Variants in BMPR1B observed in about 807,000 individuals in gnomAD.
The protein encoded by BMPR1B is bone morphogenetic protein receptor type-1B.
BMPR1B carries 12 observed loss-of-function variants against 59.1 expected under a neutral mutation model. That is an observed-to-expected ratio of 0.20 (90% CI 0.13 to 0.33). The LOEUF (loss-of-function observed/expected upper bound fraction) is 0.33. Among genes scored for constraint, BMPR1B ranks in the 10% least tolerant of loss-of-function variants. BMPR1B has a pLI of 1.00. For missense variants in BMPR1B, 550 were observed against 610.9 expected (o/e 0.90, Z 1.05); for synonymous variants, 237 against 207.3 (o/e 1.14, Z -1.23).
At chr4:94,947,631 G>A (rs902384687) in intron 2 of BMPR1B, among the ~76,000 whole-genome samples, 6 of 152,200 alleles carry the variant, frequency 3.9e-5, no homozygotes, top group Non-Finnish European at 5.9e-5. Flanking sequence ...GAAGTAAAGC[G>A]TTTGCTAGAC....
intron 1 of BMPR1B, among the ~76,000 whole-genome samples, chr4:94,846,694 T>A (rs1725345288): frequency 6.6e-6 from 1 of 152,086 alleles, no homozygotes; most frequent in African/African-American, 2.4e-5. Context: ...AACTCCCCTT[T>A]ATATGTATAT....
chr4:94,817,714 T>C (rs559256053), intron 1 of BMPR1B, among the ~76,000 whole-genome samples: 24 of 152,254 alleles, frequency 1.6e-4, no homozygotes, highest in African/African-American at 5.8e-4. Flanking sequence ...TGAGAGATAG[T>C]GTCTGCCCTA....
At chr4:94,908,481 T>G (rs1272002916) in intron 2 of BMPR1B, among the ~76,000 whole-genome samples, 2 of 152,002 alleles carry the variant, frequency 1.3e-5, no homozygotes, top group Admixed American at 1.3e-4. Context: ...CTTTTCATCC[T>G]AAACTTCTAA....
At chr4:95,081,497 A>AT (rs1398647869) in intron 3 of BMPR1B, among the ~76,000 whole-genome samples, 1 of 152,142 alleles carries the variant, frequency 6.6e-6, no homozygotes, top group Non-Finnish European at 1.5e-5. Flanking sequence ...AAAAGTTAGG[A>AT]TTTTGTGAAG....
intron 2 of BMPR1B, among the ~76,000 whole-genome samples, chr4:94,905,103 A>G (rs1727987353): frequency 1.3e-5 from 2 of 152,016 alleles, no homozygotes; most frequent in Non-Finnish European, 2.9e-5. Context: ...TCCTTTACAG[A>G]TATTGTCCAA....
intron 3 of BMPR1B, among the ~76,000 whole-genome samples, chr4:95,044,700 C>G (rs1332547188): frequency 6.6e-6 from 1 of 152,112 alleles, no homozygotes; most frequent in African/African-American, 2.4e-5. Flanking sequence ...ATGTGATGGT[C>G]TTTCACTCTG....
At chr4:94,889,007 G>A (rs1246802818) in intron 2 of BMPR1B, among the ~76,000 whole-genome samples, 2 of 151,750 alleles carry the variant, frequency 1.3e-5, no homozygotes, top group South Asian at 4.2e-4. Flanking sequence ...TGAGATACAG[G>A]TTTTAAGAGT....
intron 1 of BMPR1B, among the ~76,000 whole-genome samples, chr4:94,790,669 T>C (rs1276747966): frequency 6.6e-6 from 1 of 152,256 alleles, no homozygotes; most frequent in Admixed American, 6.5e-5. Context: ...AAGTTCTTGC[T>C]ATATCTTCCT....
chr4:94,814,872 C>T (rs1001191978), intron 1 of BMPR1B, among the ~76,000 whole-genome samples: 1 of 152,034 alleles, frequency 6.6e-6, no homozygotes, highest in East Asian at 1.9e-4. Context: ...TCTACCACCT[C>T]AAATTAATGA....
intron 3 of BMPR1B, among the ~76,000 whole-genome samples, chr4:95,042,957 T>G (rs911737178): frequency 6.6e-6 from 1 of 150,806 alleles, no homozygotes; most frequent in African/African-American, 2.4e-5. Flanking sequence ...GGGTGGATCA[T>G]GAGGTCAGGA....
chr4:94,842,909 C>G (rs1341084278), intron 1 of BMPR1B, among the ~76,000 whole-genome samples: 1 of 104,420 alleles, frequency 9.6e-6, no homozygotes, highest in Non-Finnish European at 1.9e-5. Context: ...CACATACACA[C>G]TGTGTGTATG....
At chr4:94,869,611 A>C (rs1202548662) in intron 1 of BMPR1B, among the ~76,000 whole-genome samples, 1 of 152,184 alleles carries the variant, frequency 6.6e-6, no homozygotes, top group African/African-American at 2.4e-5. Context: ...GGTATGTTCC[A>C]TCCATGTTAA....
At chr4:95,107,723 A>C (rs1731292862) in intron 4 of BMPR1B, among the ~76,000 whole-genome samples, 1 of 152,104 alleles carries the variant, frequency 6.6e-6, no homozygotes, top group Admixed American at 6.6e-5. Context: ...GATATGATAG[A>C]AAAATTGTGG....
intron 1 of BMPR1B, among the ~76,000 whole-genome samples, chr4:94,767,243 A>G (rs1435992470): frequency 2.6e-5 from 4 of 152,242 alleles, no homozygotes; most frequent in Non-Finnish European, 1.5e-5. Flanking sequence ...ACTACTATTT[A>G]AATTTTAAAT....
intron 3 of BMPR1B, among the ~76,000 whole-genome samples, chr4:95,012,528 A>T (rs1723296204): frequency 6.6e-6 from 1 of 152,226 alleles, no homozygotes; most frequent in African/African-American, 2.4e-5. Flanking sequence ...TTCATTTCTA[A>T]TCTTAAGCAT....
At chr4:94,892,968 T>TG (rs1268660430) in intron 2 of BMPR1B, among the ~76,000 whole-genome samples, 1 of 152,034 alleles carries the variant, frequency 6.6e-6, no homozygotes, top group Non-Finnish European at 1.5e-5. Flanking sequence ...AGTGGGGATA[T>TG]CAGTCCTGCA....
In BMPR1B at chr4:95,082,156, C is replaced by G. The variant is rs549876151; in HGVS notation, c.-17-22252C>G. Among the ~76,000 whole-genome samples the G allele has an allele frequency of 2.2e-4, 28 of 130,074 alleles. No homozygotes were observed. In the South Asian group the frequency reaches 6.4e-3, roughly 30 times the overall value. The allele number at this position is 130,074 out of a possible 152,430, so 85.3% of individuals were successfully genotyped here. A position where few individuals can be genotyped will look rare whatever the true frequency, so the allele number is the denominator to read the frequency against. ...CCCTCCCCCCACCCCACAACAGTCC[C>G]CAGAGTGTGATGTTCCCCTTCCTGT... On this transcript the variant is annotated intron_variant, in intron 3 of 12. Transcript: ENST00000515059.
intron 2 of BMPR1B, among the ~76,000 whole-genome samples, chr4:94,933,880 C>G (rs1402773282): frequency 6.6e-6 from 1 of 152,034 alleles, no homozygotes. Context: ...CCTCACTGAA[C>G]AAAAGAAAAC....
intron 1 of BMPR1B, among the ~76,000 whole-genome samples, chr4:94,798,006 G>T (rs1388217145): frequency 3.3e-5 from 5 of 152,080 alleles, no homozygotes; most frequent in Non-Finnish European, 7.4e-5. Flanking sequence ...CATCGTAATA[G>T]TATTTATTTA....
Sources: allele counts gnomAD v4.1 joint callset (sites outside exome capture counted in the v4.1 genomes callset), GRCh38; gene constraint gnomAD v4.1.1; transcripts MANE v1.5; gene names NCBI Gene and HGNC (gene_info 2026-07-23, HGNC 2026-07-21).